The following PPP5C variants were observed in gnomAD, a reference collection of about 807,000 sequenced individuals.
The protein encoded by PPP5C is serine/threonine-protein phosphatase 5.
PPP5C carries 21 observed loss-of-function variants against 66.7 expected under a neutral mutation model. The ratio of observed to expected loss-of-function variants is 0.31; its 90% CI spans 0.22 to 0.45. The LOEUF is 0.45. Among genes scored for constraint, PPP5C ranks in the 20% least tolerant of loss-of-function variants. PPP5C has a pLI of 1.00. For missense variants in PPP5C, 464 were observed against 675.9 expected, an observed-to-expected ratio of 0.69 and a Z score of 3.48; for synonymous variants, 246 against 257.4, an observed-to-expected ratio of 0.96 and a Z score of 0.43.
chr19:46,357,067 G>A (rs1428791828), intron 2 of PPP5C, among the ~76,000 whole-genome samples: 1 of 152,096 alleles, frequency 6.6e-6, no homozygotes, highest in Non-Finnish European at 1.5e-5. Flanking sequence ...TTTTGTTTGA[G>A]AGAGAGTCTT....
rs924360928 is a variant in PPP5C, at chr19:46,374,562, C to A, written c.364-1042C>A. Among the ~76,000 whole-genome samples the A allele has an allele frequency of 3.2e-4, 48 of 152,190 alleles. 3 individuals are homozygous for A. Among genetic ancestry groups the A allele is most frequent in the Non-Finnish European group, 1.5e-5 (1 of 68,024 alleles). ...CAGTCTGCTTTTCAGGTTAGAAGAT[C>A]AGAGTTTGCAGGAATCGGGGTAAAT... On this transcript the variant is annotated intron_variant, in intron 2 of 12. Coordinates refer to ENST00000012443, the MANE Select transcript of PPP5C (RefSeq NM_006247.4).
At chr19:46,367,860 A>G (rs1179923318) in intron 2 of PPP5C, among the ~76,000 whole-genome samples, 1 of 152,154 alleles carries the variant, frequency 6.6e-6, no homozygotes, top group Non-Finnish European at 1.5e-5. Flanking sequence ...ATAAGGGCTT[A>G]TGGGGGCCTG....
rs148547703 is a variant in PPP5C at position 46,383,733 on chromosome 19, C to T, written c.700-47C>T. On this transcript the variant is annotated intron_variant, in intron 5 of 12. Transcript: ENST00000012443. The surrounding 1 kb of genome is among the most constrained non-coding windows in gnomAD (Gnocchi z 5.0). Reference sequence around the variant, plus strand: ...TCCCCTCACCTCTGCCCCCTCCCCACGTCTCTCTCTCGGCCCGTCCCTCTC... The same window carrying T: ...TCCCCTCACCTCTGCCCCCTCCCCATGTCTCTCTCTCGGCCCGTCCCTCTC... 7.9e-4 allele frequency: 1,162 copies of T among 1,478,208 alleles called. 2 individuals are homozygous for T. The highest frequency in any genetic ancestry group is 1.3e-3 in the Admixed American group (80 of 59,598). 91.6% of individuals were successfully genotyped at this position (1,478,208 alleles called of 1,614,324 possible). A position where few individuals can be genotyped will look rare whatever the true frequency, so the allele number is the denominator to read the frequency against.
Position 46,383,584 on chromosome 19 carries a change from C to T in PPP5C, c.699+108C>T. 2.5e-6 allele frequency: 3 copies of T among 1,219,892 alleles called. No homozygotes were observed. The highest frequency in any genetic ancestry group is 3.4e-6 in the Non-Finnish European group (3 of 870,910). 75.6% of individuals were successfully genotyped at this position (1,219,892 alleles called of 1,614,324 possible). A position where few individuals can be genotyped will look rare whatever the true frequency, so the allele number is the denominator to read the frequency against. ...CGGATCCACCTCCCTCTCTCCCTCA[C>T]ACCCCACCCCTGTGCCTTTCCTCCT... On this transcript the variant is annotated intron_variant, in intron 5 of 12. Coordinates refer to ENST00000012443, the MANE Select transcript of PPP5C (RefSeq NM_006247.4). This position sits in a 1 kb window ranked among gnomAD's most constrained non-coding sequence, Gnocchi z 5.0.
intron 4 of PPP5C, chr19:46,382,653 T>C: frequency 3.5e-6 from 1 of 287,278 alleles, no homozygotes; most frequent in Non-Finnish European, 5.2e-6. Flanking sequence ...CTTTTTTCTT[T>C]TTTTTCCCCT....
intron 7 of PPP5C, 37 bp from the exon 8 acceptor site, chr19:46,387,056 G>A (rs746575172): frequency 1.2e-6 from 2 of 1,613,924 alleles, no homozygotes; most frequent in South Asian, 1.1e-5. Context: ...GATGTACCTG[G>A]AGGCTGAGCT....
intron 2 of PPP5C, among the ~76,000 whole-genome samples, chr19:46,374,865 C>T (rs1400707287): frequency 6.6e-6 from 1 of 152,194 alleles, no homozygotes; most frequent in African/African-American, 2.4e-5. Context: ...GAGAGGCAGA[C>T]TCACCTGCCT....
intron 2 of PPP5C, among the ~76,000 whole-genome samples, chr19:46,368,501 C>A (rs1433937952): frequency 6.6e-6 from 1 of 152,220 alleles, no homozygotes; most frequent in Admixed American, 6.5e-5. Context: ...GTTTCCTTCA[C>A]AGGGATCTTT....
intron 2 of PPP5C, among the ~76,000 whole-genome samples, chr19:46,362,498 T>C (rs950619038): frequency 1.3e-5 from 2 of 152,162 alleles, no homozygotes; most frequent in South Asian, 2.1e-4. Context: ...TACCAAAAGA[T>C]TTGAGAAACC....
Position 46,390,575 on chromosome 19 carries a change from G to A in PPP5C, c.*229G>A, listed in dbSNP as rs2147412233. The A allele has an allele frequency of 3.6e-6, 5 of 1,400,078 alleles. No homozygotes were observed. The highest frequency in any genetic ancestry group is 4.6e-6 in the Non-Finnish European group (5 of 1,075,860). The allele number at this position is 1,400,078 out of a possible 1,614,324, so 86.7% of individuals were successfully genotyped here. On this transcript the variant is annotated 3_prime_UTR_variant, in exon 13 of 13. Transcript: ENST00000012443. ...AGAGGAAGGAGGTGGAGCAGCTGGG[G>A]CTGGGGGCACAGCCTGGGCATTCTG...
At chr19:46,362,237 A>G (rs1434363341) in intron 2 of PPP5C, among the ~76,000 whole-genome samples, 1 of 152,234 alleles carries the variant, frequency 6.6e-6, no homozygotes, top group East Asian at 1.9e-4. Flanking sequence ...TTTAACTGTT[A>G]GTCATGTAGC....
rs145421809 is a variant in PPP5C at position 46,390,646 on chromosome 19, GC to G, written c.*306del. On this transcript the variant is annotated 3_prime_UTR_variant, in exon 13 of 13. Transcript: ENST00000012443. ...TGGGGTGGGGCCGAGTGGCTGCCCT[GC>G]CCCCCTCATTTGCATGGCTCCTCCC... 2.4e-4 allele frequency: 310 copies of G among 1,282,812 alleles called. 1 individual carries two copies. The South Asian group carries it at 4.4e-3, about 18-fold the overall frequency. The allele number at this position is 1,282,812 out of a possible 1,614,324, so 79.5% of individuals were successfully genotyped here. A position where few individuals can be genotyped will look rare whatever the true frequency, so the allele number is the denominator to read the frequency against.
intron 2 of PPP5C, among the ~76,000 whole-genome samples, chr19:46,368,574 G>T (rs1021892526): frequency 6.6e-6 from 1 of 152,102 alleles, no homozygotes. Flanking sequence ...ATAGCTTTGG[G>T]GGTACCCGTG....
intron 2 of PPP5C, among the ~76,000 whole-genome samples, chr19:46,366,890 T>C (rs1303818610): frequency 6.6e-6 from 1 of 152,202 alleles, no homozygotes; most frequent in Non-Finnish European, 1.5e-5. Flanking sequence ...AGTGCCTCTC[T>C]GGGCCTGATC....
intron 4 of PPP5C, among the ~76,000 whole-genome samples, chr19:46,379,297 C>T (rs1350544897): frequency 6.6e-6 from 1 of 152,212 alleles, no homozygotes; most frequent in Non-Finnish European, 1.5e-5. Flanking sequence ...CGTGATCCAC[C>T]TGCCTCAGCC....
chr19:46,379,913 A>G (rs182804367), intron 4 of PPP5C, among the ~76,000 whole-genome samples: 4 of 152,348 alleles, frequency 2.6e-5, no homozygotes, highest in African/African-American at 9.6e-5. Context: ...CATTTCCCGG[A>G]ACCCTGGATG....
intron 2 of PPP5C, among the ~76,000 whole-genome samples, chr19:46,357,780 T>C (rs530593687): frequency 9.9e-5 from 15 of 152,242 alleles, no homozygotes; most frequent in Middle Eastern, 3.4e-3. Context: ...TGGGATGGAG[T>C]GCAGAGCTTC....
intron 6 of PPP5C, 137 bp from the exon 7 acceptor site, chr19:46,384,667 A>C: frequency 3.1e-6 from 2 of 654,978 alleles, no homozygotes; most frequent in African/African-American, 1.8e-5. Flanking sequence ...CCAAGTCCTC[A>C]CTCCCTGGGA....
chr19:46,369,668 C>T (rs1972551638), intron 2 of PPP5C, among the ~76,000 whole-genome samples: 1 of 151,284 alleles, frequency 6.6e-6, no homozygotes. Context: ...TGGCTCACGC[C>T]TGTAATCCCA....
Sources: allele counts gnomAD v4.1 joint callset (sites outside exome capture counted in the v4.1 genomes callset), GRCh38; gene constraint gnomAD v4.1.1; non-coding constraint Gnocchi (gnomAD v3.1); transcripts MANE v1.5; gene names NCBI Gene and HGNC (gene_info 2026-07-23, HGNC 2026-07-21).